SOX6: variants seen among roughly 807,000 people sequenced by gnomAD.
SOX6 encodes SRY-box transcription factor 6.
In SOX6, 11 loss-of-function variants were observed where a neutral mutation model predicts 97.8. The observed-to-expected ratio is 0.11, with a 90% CI of 0.07 to 0.19. The LOEUF (loss-of-function observed/expected upper bound fraction) is 0.19, where lower values mean the gene tolerates loss of function less well. Ranked by LOEUF, SOX6 falls within the 10% of genes least tolerant of loss-of-function variation. The pLI, the probability that SOX6 is intolerant of heterozygous loss-of-function variation, is 1.00. For synonymous variants in SOX6, 360 were observed against 371.4 expected (o/e 0.97, Z 0.35); for missense variants, 810 against 1,039.5 (o/e 0.78, Z 3.04).
chr11:16,634,627 G>A (rs1848757904), intron 3 of SOX6, among the ~76,000 whole-genome samples: 3 of 151,992 alleles, frequency 2.0e-5, no homozygotes, highest in Non-Finnish European at 1.5e-5. Flanking sequence ...GGTTTTTTAT[G>A]TTTCAGTAAA....
intron 7 of SOX6, among the ~76,000 whole-genome samples, chr11:16,098,566 A>G (rs575495092): frequency 6.6e-6 from 1 of 151,960 alleles, no homozygotes; most frequent in South Asian, 2.1e-4. Flanking sequence ...GTAAGGAGAA[A>G]CATATCATGA....
intron 3 of SOX6, among the ~76,000 whole-genome samples, chr11:16,656,666 A>G (rs1847720822): frequency 6.6e-6 from 1 of 152,222 alleles, no homozygotes; most frequent in African/African-American, 2.4e-5. Context: ...TTAAAAGCCA[A>G]TGACCATAAA....
intron 4 of SOX6, among the ~76,000 whole-genome samples, chr11:16,542,983 C>G (rs764942885): frequency 6.6e-6 from 1 of 151,760 alleles, no homozygotes; most frequent in Non-Finnish European, 1.5e-5. Context: ...ACTTTATTTC[C>G]AAATCAAGAA....
At chr11:16,042,262 G>A (rs571350275) in intron 12 of SOX6, among the ~76,000 whole-genome samples, 116 of 152,170 alleles carry the variant, frequency 7.6e-4, no homozygotes, top group African/African-American at 2.8e-3. Flanking sequence ...GACTGCTGTT[G>A]GTCTAGCCAC....
chr11:16,280,571 T>G (rs768931596), intron 3 of SOX6, among the ~76,000 whole-genome samples: 4 of 152,026 alleles, frequency 2.6e-5, no homozygotes, highest in Non-Finnish European at 5.9e-5. Context: ...ATTGTAATCC[T>G]CTACAAAGAG....
intron 9 of SOX6, among the ~76,000 whole-genome samples, chr11:16,077,920 C>T (rs552435567): frequency 2.6e-5 from 4 of 151,550 alleles, no homozygotes; most frequent in Non-Finnish European, 5.9e-5. Flanking sequence ...TGCAATCTAT[C>T]TAAATAACAA....
chr11:16,444,092 A>T (rs1859566194), intron 1 of SOX6, among the ~76,000 whole-genome samples: 1 of 152,042 alleles, frequency 6.6e-6, no homozygotes, highest in Non-Finnish European at 1.5e-5. Flanking sequence ...TTATTACCTA[A>T]TGAGATTTGG....
chr11:16,420,976 G>A (rs1378741346), intron 1 of SOX6, among the ~76,000 whole-genome samples: 1 of 152,050 alleles, frequency 6.6e-6, no homozygotes. Context: ...AGGTAAAAAG[G>A]GCCAAACTAG....
chr11:16,691,385 A>G (rs1332896634), intron 3 of SOX6, among the ~76,000 whole-genome samples: 1 of 152,266 alleles, frequency 6.6e-6, no homozygotes, highest in Non-Finnish European at 1.5e-5. Context: ...ATTCACTTAT[A>G]GTGGAAAGAG....
intron 3 of SOX6, among the ~76,000 whole-genome samples, chr11:16,675,117 A>C (rs1847875387): frequency 6.6e-6 from 1 of 152,246 alleles, no homozygotes; most frequent in South Asian, 2.1e-4. Flanking sequence ...AAAAATCAGT[A>C]GCATTTCTAT....
At chr11:16,016,741 G>C (rs1167848913) in intron 12 of SOX6, among the ~76,000 whole-genome samples, 1 of 152,038 alleles carries the variant, frequency 6.6e-6, no homozygotes, top group Admixed American at 6.6e-5. Flanking sequence ...ACCAGGGAAA[G>C]CAAAATATTC....
intron 4 of SOX6, among the ~76,000 whole-genome samples, chr11:16,572,151 CA>C (rs11330439): frequency 0.36 from 46,868 of 130,528 alleles, 8,971 homozygotes; most frequent in African/African-American, 0.54. Context: ...TGCTTATAAT[CA>C]AAAAAAAATT....
intron 6 of SOX6, among the ~76,000 whole-genome samples, chr11:16,179,153 A>T (rs1331871358): frequency 6.6e-6 from 1 of 152,066 alleles, no homozygotes; most frequent in African/African-American, 2.4e-5. Context: ...GTAGTTAATC[A>T]TATTGAAGGA....
chr11:16,464,260 A>T (rs1859986879), intron 1 of SOX6, among the ~76,000 whole-genome samples: 1 of 152,162 alleles, frequency 6.6e-6, no homozygotes, highest in African/African-American at 2.4e-5. Flanking sequence ...AACTAATTCC[A>T]ACAGTTCCTT....
At chr11:15,974,378 C>CTTTTTTTTTTTTTT (rs35597667) in intron 15 of SOX6, among the ~76,000 whole-genome samples, 126 of 85,680 alleles carry the variant, frequency 1.5e-3, no homozygotes, top group African/African-American at 2.2e-3. Flanking sequence ...TTAGCTCTCT[C>CTTTTTTTTTTTTTT]TTTTTTTTTT....
At chr11:16,376,594 T>G (rs1355794530) in intron 1 of SOX6, among the ~76,000 whole-genome samples, 3 of 152,146 alleles carry the variant, frequency 2.0e-5, no homozygotes, top group African/African-American at 7.2e-5. Context: ...AGGAAGCATA[T>G]GCAAATTGAG....
At chr11:15,986,445 A>G (rs1853843008) in intron 14 of SOX6, 25 bp from the exon 15 acceptor site, 2 of 1,611,590 alleles carry the variant, frequency 1.2e-6, no homozygotes, top group Non-Finnish European at 1.7e-6. Context: ...AGCCTTAAGT[A>G]CCCAAGTGGT....
chr11:16,685,285 A>C (rs146531862), intron 3 of SOX6, among the ~76,000 whole-genome samples: 309 of 152,334 alleles, frequency 2.0e-3, no homozygotes, highest in African/African-American at 7.0e-3. Flanking sequence ...CATTAATTCA[A>C]AAGTTCCCAG....
intron 3 of SOX6, among the ~76,000 whole-genome samples, chr11:16,643,679 G>A: frequency 6.6e-6 from 1 of 152,184 alleles, no homozygotes; most frequent in Non-Finnish European, 1.5e-5. Flanking sequence ...TGCTAGCAAT[G>A]AGTGAGGCTC....
Sources: allele counts gnomAD v4.1 joint callset (sites outside exome capture counted in the v4.1 genomes callset), GRCh38; gene constraint gnomAD v4.1.1; transcripts MANE v1.5; gene names NCBI Gene and HGNC (gene_info 2026-07-23, HGNC 2026-07-21).